Variants in NOD2 observed in about 807,000 individuals in gnomAD.
The protein encoded by NOD2 is nucleotide binding oligomerization domain containing 2, also known as nucleotide-binding oligomerization domain-containing protein 2.
A neutral mutation model predicts 90.9 loss-of-function variants in NOD2; 86 were observed. That is an observed-to-expected ratio of 0.95 (90% CI 0.79 to 1.13). NOD2 has a LOEUF of 1.13. Among genes scored for constraint, NOD2 ranks in the 50% most tolerant of loss-of-function variants. The probability of loss-of-function intolerance (pLI) is 0.00; values close to 1 mark genes in which losing one functional copy is unlikely to be tolerated. For synonymous variants in NOD2, 581 were observed against 554.6 expected, an observed-to-expected ratio of 1.05 and a Z score of -0.67; for missense variants, 1,238 against 1,283.8, an observed-to-expected ratio of 0.96 and a Z score of 0.55.
chr16:50,730,094 A>T (rs776163605), intron 11 of NOD2, 193 bp downstream of exon 11: 6 of 539,460 alleles, frequency 1.1e-5, no homozygotes, highest in Non-Finnish European at 2.0e-5. Context: ...TTAAGTAGGG[A>T]GCAATGATTT....
chr16:50,706,936 G>T (rs925606871), intron 2 of NOD2, among the ~76,000 whole-genome samples: 4 of 152,054 alleles, frequency 2.6e-5, no homozygotes, highest in Non-Finnish European at 5.9e-5. Context: ...GACCTTAGGG[G>T]ATCTACCCGC....
intron 3 of NOD2, among the ~76,000 whole-genome samples, chr16:50,708,780 C>T (rs1235479034): frequency 6.6e-6 from 1 of 152,214 alleles, no homozygotes; most frequent in Non-Finnish European, 1.5e-5. Flanking sequence ...GCTGTGTCCT[C>T]TGGGCAGCAA....
chr16:50,701,393 C>T (rs1430726723), intron 2 of NOD2, among the ~76,000 whole-genome samples: 2 of 152,154 alleles, frequency 1.3e-5, no homozygotes, highest in Non-Finnish European at 2.9e-5. Flanking sequence ...ATGTGTTGTT[C>T]ACATGAGTCT....
rs886052048 is a variant in NOD2, at chr16:50,732,213, C to T, written c.*394C>T. ...AGGCCCGGCCTCTCACAAAAGACCC[C>T]TTACCACTGCTCTGATGAAGAGGAG... On this transcript the variant is annotated 3_prime_UTR_variant, in exon 12 of 12. Transcript: ENST00000647318. 2.2e-5 allele frequency: 8 copies of T among 364,778 alleles called. No homozygotes were observed. The East Asian group carries it at 5.1e-4, about 23-fold the overall frequency. The allele number at this position is 364,778 out of a possible 1,614,324, so 22.6% of individuals were successfully genotyped here. A position where few individuals can be genotyped will look rare whatever the true frequency, so the allele number is the denominator to read the frequency against.
chr16:50,715,081 A>G (rs1056973076), intron 4 of NOD2, among the ~76,000 whole-genome samples: 2 of 152,192 alleles, frequency 1.3e-5, no homozygotes, highest in Non-Finnish European at 2.9e-5. Flanking sequence ...TGCACTACAG[A>G]AGTGGCCATA....
At chr16:50,721,798 T>A (rs10521209) in intron 7 of NOD2, among the ~76,000 whole-genome samples, 2 of 152,080 alleles carry the variant, frequency 1.3e-5, no homozygotes, top group East Asian at 1.9e-4. Context: ...CAGCCTGACC[T>A]CATTTTTCAA....
chr16:50,711,725 C>T lies in NOD2; in HGVS notation c.1733C>T (p.Thr578Ile). ...STAPLEFLHI[T>I]FQCFFAAFYL... ...GCGCCCCTGGAATTCCTTCACATCA[C>T]TTTCCAGTGCTTCTTTGCCGCGTTC... The change falls in exon 4 of 12, where the codon ACT (threonine) becomes ATT (isoleucine). Residue 578 changes from threonine (T) to isoleucine (I), a missense_variant. By Grantham distance (89) the Thr-to-Ile change is moderately conservative. Coordinates refer to ENST00000647318, the MANE Select transcript of NOD2 (RefSeq NM_001370466.1). 6.2e-7 allele frequency: 1 copy of T among 1,614,174 alleles called. No homozygotes were observed. Among genetic ancestry groups the T allele is most frequent in the African/African-American group, 1.3e-5 (1 of 75,068 alleles).
At chr16:50,701,026 A>G (rs571633748) in intron 2 of NOD2, among the ~76,000 whole-genome samples, 1 of 152,334 alleles carries the variant, frequency 6.6e-6, no homozygotes, top group African/African-American at 2.4e-5. Flanking sequence ...GGCAGATGGA[A>G]CAATCATTAA....
chr16:50,724,351 G>T (rs1053647704), intron 9 of NOD2, among the ~76,000 whole-genome samples: 1 of 152,190 alleles, frequency 6.6e-6, no homozygotes, highest in African/African-American at 2.4e-5. Flanking sequence ...CTTGTTATGA[G>T]AGCATCAGTT....
At chr16:50,703,158 A>T (rs1228532726) in intron 2 of NOD2, among the ~76,000 whole-genome samples, 1 of 152,240 alleles carries the variant, frequency 6.6e-6, no homozygotes, top group East Asian at 1.9e-4. Flanking sequence ...AAAAAACAGG[A>T]TGTTGCCAGT....
At chr16:50,728,321 G>A (rs1965336773) in intron 10 of NOD2, 5 of 387,526 alleles carry the variant, frequency 1.3e-5, no homozygotes, top group Middle Eastern at 8.2e-4. Flanking sequence ...TGCACTATAC[G>A]TTAGTTAGCA....
intron 1 of NOD2, among the ~76,000 whole-genome samples, chr16:50,698,315 C>G (rs1341637655): frequency 6.6e-6 from 1 of 152,182 alleles, no homozygotes; most frequent in Non-Finnish European, 1.5e-5. Flanking sequence ...CAGCAGGTCA[C>G]TGATGATAGC....
At position 50,707,895 on chromosome 16, in the gene NOD2, GA is replaced by G. The variant is rs1964272367; in HGVS notation, c.501del (p.Leu168TrpfsTer32). 1 of 1,614,188 alleles carries G rather than the reference GA, an allele frequency of 6.2e-7. No homozygotes were observed. Among genetic ancestry groups the G allele is most frequent in the African/African-American group, 1.3e-5 (1 of 75,060 alleles). ...GATCTTGCCACGGTGAAAGCGAATG[GA>G]TTGGCTGCCTTCCTTCTACAACATG... The part of the protein sequence containing the change: ...LLDLATVKAN[G>X]LAAFLLQHVQ... On this transcript the variant is annotated frameshift_variant, in exon 3 of 12. Coordinates refer to ENST00000647318, the MANE Select transcript of NOD2 (RefSeq NM_001370466.1). LOFTEE classifies it high-confidence loss of function.
At chr16:50,704,430 C>T (rs960402672) in intron 2 of NOD2, among the ~76,000 whole-genome samples, 1 of 152,262 alleles carries the variant, frequency 6.6e-6, no homozygotes, top group East Asian at 1.9e-4. Context: ...GATAGTTTGG[C>T]TGGGTATAAA....
In NOD2 at chr16:50,716,626, G is replaced by A. The variant is rs1323866079; in HGVS notation, c.2421G>A (p.Lys807=). 7 of 1,614,214 alleles carry A rather than the reference G, an allele frequency of 4.3e-6. No homozygotes were observed. The highest frequency in any genetic ancestry group is 3.3e-5 in the Admixed American group (2 of 60,030). Residue 807 remains lysine (K), a synonymous_variant, in exon 5 of 12, where the codon AAG becomes AAA. Coordinates refer to ENST00000647318, the MANE Select transcript of NOD2 (RefSeq NM_001370466.1). ...DNNISDRGIC[K]LIECALHCEQ... ...ATATCTCAGACCGAGGCATCTGCAA[G>A]CTCATTGAATGTGCTCTTCACTGCG...
rs751255487 is a variant in NOD2, at chr16:50,725,584, A to G, written c.2885+12A>G. The stretch of plus-strand genomic sequence containing the variant: ...TTGAAAATCCTGAAGTAAGGAACCC[A>G]TAAGCAGGAAACAGGACAATAATTG... On this transcript the variant is annotated intron_variant, in intron 10 of 11. Transcript: ENST00000647318. The G allele has an allele frequency of 3.7e-6, 6 of 1,602,154 alleles. No homozygotes were observed. The highest frequency in any genetic ancestry group is 5.1e-6 in the Non-Finnish European group (6 of 1,169,114).
At chr16:50,723,496 A>G in intron 9 of NOD2, 112 bp downstream of exon 9, 1 of 880,474 alleles carries the variant, frequency 1.1e-6, no homozygotes, top group Non-Finnish European at 1.9e-6. Flanking sequence ...TGATTGAGTG[A>G]TTGACTGATT....
At chr16:50,713,483 C>G (rs1173910423) in intron 4 of NOD2, 1 of 152,090 alleles carries the variant, frequency 6.6e-6, no homozygotes, top group African/African-American at 2.4e-5. Flanking sequence ...ATAATAACAA[C>G]ATAATACATA....
intron 5 of NOD2, 55 bp from the exon 6 acceptor site, chr16:50,716,836 G>T: frequency 5.7e-6 from 9 of 1,567,250 alleles, no homozygotes; most frequent in Non-Finnish European, 7.9e-6. Flanking sequence ...GGGATTTGGT[G>T]CTCACTGTCC....
Sources: allele counts gnomAD v4.1 joint callset (sites outside exome capture counted in the v4.1 genomes callset), GRCh38; gene constraint gnomAD v4.1.1; transcripts MANE v1.5; gene names NCBI Gene and HGNC (gene_info 2026-07-23, HGNC 2026-07-21).